RBFOX1: variants seen among roughly 807,000 people sequenced by gnomAD.
RBFOX1 encodes the protein RNA binding protein fox-1 homolog 1.
Under a neutral mutation model 57.7 loss-of-function variants are expected in RBFOX1, and 8 were observed. That is an observed-to-expected ratio of 0.14 (90% CI 0.08 to 0.25). The LOEUF (loss-of-function observed/expected upper bound fraction) is 0.25, where lower values mean the gene tolerates loss of function less well. Ranked by LOEUF, RBFOX1 falls within the 10% of genes least tolerant of loss-of-function variation. The probability of loss-of-function intolerance (pLI) is 1.00; values close to 1 mark genes in which losing one functional copy is unlikely to be tolerated. For missense variants in RBFOX1, 611 were observed against 548.5 expected, an observed-to-expected ratio of 1.11 and a Z score of -1.14; for synonymous variants, 326 against 222.4, an observed-to-expected ratio of 1.47 and a Z score of -4.15.
intron 3 of RBFOX1, among the ~76,000 whole-genome samples, chr16:6,922,439 G>GCC (rs2074676537): frequency 3.3e-5 from 5 of 152,136 alleles, no homozygotes; most frequent in Non-Finnish European, 7.4e-5. Flanking sequence ...GCACTTCCAG[G>GCC]CTGTCTTGCC....
chr16:7,151,384 G>A (rs889542733), intron 4 of RBFOX1, among the ~76,000 whole-genome samples: 3 of 152,116 alleles, frequency 2.0e-5, no homozygotes, highest in Non-Finnish European at 2.9e-5. Flanking sequence ...CAAAAGATAT[G>A]TTGTCTTCAA....
intron 3 of RBFOX1, among the ~76,000 whole-genome samples, chr16:6,861,625 G>T (rs945974076): frequency 6.6e-6 from 1 of 151,898 alleles, no homozygotes; most frequent in Non-Finnish European, 1.5e-5. Flanking sequence ...TCTACATTGG[G>T]TCTTTATGTT....
intron 4 of RBFOX1, among the ~76,000 whole-genome samples, chr16:5,930,366 GTGGA>G (rs1299080724): frequency 3.0e-5 from 4 of 135,106 alleles, no homozygotes; most frequent in South Asian, 2.6e-4. Flanking sequence ...GGATGGGAGG[GTGGA>G]TGGATGGATG....
chr16:5,893,577 C>T lies in RBFOX1; in HGVS notation c.351+26242C>T, dbSNP rs149691384. 8.2e-4 allele frequency among the ~76,000 whole-genome samples: 125 copies of T among 152,216 alleles called. 2 individuals carry two copies. Among genetic ancestry groups the T allele is most frequent in the African/African-American group, 2.7e-3 (113 of 41,536 alleles). On this transcript the variant is annotated intron_variant, in intron 4 of 19. Coordinates refer to the RBFOX1 transcript ENST00000641259. Reference sequence around the variant, plus strand: ...ATCCCAGCCCTTTGGTAGGCTGAGGCGGGTGGATCACCTGAGGTCAGGGGT... The same window carrying T: ...ATCCCAGCCCTTTGGTAGGCTGAGGTGGGTGGATCACCTGAGGTCAGGGGT...
At chr16:7,175,230 T>A (rs2081419642) in intron 4 of RBFOX1, among the ~76,000 whole-genome samples, 1 of 152,070 alleles carries the variant, frequency 6.6e-6, no homozygotes, top group Non-Finnish European at 1.5e-5. Flanking sequence ...CCCCAGTGTG[T>A]GTTGTTCCTC....
chr16:7,051,906 G>A, intron 3 of RBFOX1, 151 bp from the exon 4 acceptor site: 1 of 1,184,196 alleles, frequency 8.4e-7, no homozygotes, highest in Non-Finnish European at 1.2e-6. Context: ...TGAAGCTTGA[G>A]CTATGTAGAC....
At chr16:5,937,379 G>T (rs1385052015) in intron 4 of RBFOX1, among the ~76,000 whole-genome samples, 1 of 152,122 alleles carries the variant, frequency 6.6e-6, no homozygotes, top group Non-Finnish European at 1.5e-5. Context: ...AAATGCCATG[G>T]TTTACATTCT....
chr16:6,673,634 A>C (rs778360530), intron 3 of RBFOX1, among the ~76,000 whole-genome samples: 19 of 152,126 alleles, frequency 1.2e-4, no homozygotes, highest in Non-Finnish European at 2.2e-4. Context: ...ATTGAACACA[A>C]AGTAATGAAA....
At chr16:6,125,496 AG>A (rs1016823326) in intron 1 of RBFOX1, among the ~76,000 whole-genome samples, 1 of 152,192 alleles carries the variant, frequency 6.6e-6, no homozygotes, top group Admixed American at 6.5e-5. Flanking sequence ...ATGTTTTACA[AG>A]GGGCCCTAAA....
chr16:5,334,354 G>C (rs2064843096), intron 1 of RBFOX1, among the ~76,000 whole-genome samples: 1 of 152,126 alleles, frequency 6.6e-6, no homozygotes. Context: ...TTGGATTTAG[G>C]CAGTTTTTGA....
intron 1 of RBFOX1, among the ~76,000 whole-genome samples, chr16:6,113,245 G>C (rs1448318476): frequency 3.3e-5 from 5 of 152,170 alleles, no homozygotes; most frequent in Non-Finnish European, 7.3e-5. Flanking sequence ...GGACAAGAGG[G>C]TGAGGCCGAT....
intron 2 of RBFOX1, among the ~76,000 whole-genome samples, chr16:6,555,259 T>C (rs536899781): frequency 6.6e-6 from 1 of 152,318 alleles, no homozygotes; most frequent in East Asian, 1.9e-4. Flanking sequence ...GTCTCTTTAA[T>C]TAATTTCCTT....
Position 5,935,761 on chromosome 16 carries a change from C to T in RBFOX1, c.351+68426C>T, listed in dbSNP as rs527778931. On this transcript the variant is annotated intron_variant, in intron 4 of 19. Coordinates refer to the RBFOX1 transcript ENST00000641259. ...AAGACCAAGAGCCTGGTCTACTTAG[C>T]GGCAGGGCCAGGTTTCAAATTCAAG... 1.2e-4 allele frequency among the ~76,000 whole-genome samples: 18 copies of T among 152,326 alleles called. No homozygotes were observed. In the East Asian group the frequency reaches 1.4e-3, roughly 11 times the overall value.
chr16:6,567,695 G>T (rs1038476800), intron 2 of RBFOX1, among the ~76,000 whole-genome samples: 1 of 152,152 alleles, frequency 6.6e-6, no homozygotes, highest in African/African-American at 2.4e-5. Flanking sequence ...AATGTCAGTG[G>T]ATGGATGCCT....
intron 1 of RBFOX1, among the ~76,000 whole-genome samples, chr16:5,308,318 C>T (rs922106430): frequency 7.2e-6 from 1 of 138,570 alleles, no homozygotes; most frequent in Admixed American, 7.7e-5. Flanking sequence ...CAGAGTGAGG[C>T]TCTGTCTAAA....
intron 3 of RBFOX1, among the ~76,000 whole-genome samples, chr16:6,752,382 T>C (rs2075089035): frequency 6.6e-6 from 1 of 152,048 alleles, no homozygotes; most frequent in Non-Finnish European, 1.5e-5. Flanking sequence ...ATGAGTAAAG[T>C]AGAGAGAATG....
At chr16:5,282,951 C>T (rs2063307714) in intron 1 of RBFOX1, among the ~76,000 whole-genome samples, 1 of 152,204 alleles carries the variant, frequency 6.6e-6, no homozygotes, top group African/African-American at 2.4e-5. Flanking sequence ...CCCCACCCAT[C>T]AAAGGCCCAG....
intron 2 of RBFOX1, among the ~76,000 whole-genome samples, chr16:6,520,947 GA>G (rs559483296): frequency 1.4e-3 from 211 of 151,818 alleles, no homozygotes; most frequent in Admixed American, 3.0e-3. Flanking sequence ...TGTAGGGGGG[GA>G]AAAAAATAAT....
chr16:6,924,572 A>G (rs1449566965), intron 3 of RBFOX1, among the ~76,000 whole-genome samples: 1 of 152,138 alleles, frequency 6.6e-6, no homozygotes, highest in Non-Finnish European at 1.5e-5. Context: ...ACACATATCC[A>G]AACTGTATCA....
Sources: allele counts gnomAD v4.1 joint callset (sites outside exome capture counted in the v4.1 genomes callset), GRCh38; gene constraint gnomAD v4.1.1; transcripts MANE v1.5; gene names NCBI Gene and HGNC (gene_info 2026-07-23, HGNC 2026-07-21).